Variants in PPARGC1A observed in about 807,000 individuals in gnomAD.
PPARGC1A encodes the protein PPARG coactivator 1 alpha.
A neutral mutation model predicts 88.7 loss-of-function variants in PPARGC1A; 25 were observed. The ratio of observed to expected loss-of-function variants is 0.28; its 90% CI spans 0.21 to 0.39. PPARGC1A has a LOEUF of 0.39. Among genes scored for constraint, PPARGC1A ranks in the 10% least tolerant of loss-of-function variants. PPARGC1A has a pLI of 1.00. For synonymous variants in PPARGC1A, 363 were observed against 355.6 expected (o/e 1.02, Z -0.24); for missense variants, 880 against 968.7 (o/e 0.91, Z 1.22).
At chr4:24,208,864 AGT>A in the PPARGC1A span, among the ~76,000 whole-genome samples, 1 of 152,164 alleles carries the variant, frequency 6.6e-6, no homozygotes, top group South Asian at 2.1e-4. Flanking sequence ...CTATAATGAG[AGT>A]GTTTTCTTCT....
the PPARGC1A span, among the ~76,000 whole-genome samples, chr4:23,932,216 GAAGAGTCTAA>G: frequency 2.8e-3 from 428 of 152,266 alleles, 1 homozygote; most frequent in African/African-American, 9.8e-3. Flanking sequence ...ATAAAGATTG[GAAGAGTCTAA>G]AAGGACCCAA....
the PPARGC1A span, among the ~76,000 whole-genome samples, chr4:23,940,048 A>G: frequency 6.6e-6 from 1 of 152,222 alleles, no homozygotes; most frequent in Non-Finnish European, 1.5e-5. Context: ...CCTTCCCTAG[A>G]GCTCTAACTT....
chr4:23,917,071 A>T, the PPARGC1A span, among the ~76,000 whole-genome samples: 1 of 152,140 alleles, frequency 6.6e-6, no homozygotes, highest in Non-Finnish European at 1.5e-5. Flanking sequence ...CTGCCTGTAG[A>T]TTGACATCAC....
the PPARGC1A span, among the ~76,000 whole-genome samples, chr4:24,018,749 CCTTA>C: frequency 7.2e-6 from 1 of 138,556 alleles, no homozygotes; most frequent in East Asian, 2.2e-4. Flanking sequence ...TCTGATAAAG[CCTTA>C]CTGACACTTT....
intron 2 of PPARGC1A, among the ~76,000 whole-genome samples, chr4:23,858,831 G>C (rs1009158819): frequency 2.6e-5 from 4 of 151,702 alleles, no homozygotes; most frequent in African/African-American, 9.7e-5. Flanking sequence ...TTTTTAGAAA[G>C]ACAGGAAAAA....
chr4:23,999,452 T>C, the PPARGC1A span, among the ~76,000 whole-genome samples: 2 of 152,242 alleles, frequency 1.3e-5, no homozygotes, highest in Non-Finnish European at 2.9e-5. Flanking sequence ...AGCATTAGAC[T>C]CTACCTTAAC....
In PPARGC1A at chr4:23,801,725, C is replaced by T; in HGVS notation, c.2293+5G>A. 1 of 1,613,858 alleles carries T rather than the reference C, an allele frequency of 6.2e-7. No individual in the cohort carries two copies. Among genetic ancestry groups the T allele is most frequent in the Non-Finnish European group, 8.5e-7 (1 of 1,179,876 alleles). ...TCCTCATTCCACGTACAATAAAATC[C>T]ATACCTAGGTCTGCATAGTTAGACT... is the stretch of plus-strand genomic sequence containing the variant. On this transcript the variant is annotated splice_donor_5th_base_variant and intron_variant, in intron 12 of 12. Coordinates refer to ENST00000264867, the MANE Select transcript of PPARGC1A (RefSeq NM_013261.5).
the PPARGC1A span, among the ~76,000 whole-genome samples, chr4:24,387,754 GAGAGAGAGAGAGAGAAAGAA>G: frequency 6.7e-4 from 43 of 64,276 alleles, no homozygotes; most frequent in African/African-American, 2.6e-3. Context: ...GAAAGAGAGA[GAGAGAGAGAGAGAGAAAGAA>G]AGAAAGAAAG....
At chr4:24,265,837 G>C in the PPARGC1A span, among the ~76,000 whole-genome samples, 1 of 151,758 alleles carries the variant, frequency 6.6e-6, no homozygotes, top group South Asian at 2.1e-4. Context: ...CATTCTAGGA[G>C]GCAAAAGAAT....
chr4:24,343,376 G>A, the PPARGC1A span, among the ~76,000 whole-genome samples: 9 of 152,108 alleles, frequency 5.9e-5, no homozygotes, highest in Admixed American at 2.0e-4. Context: ...CCTTATAAAC[G>A]GCTTGAGTAG....
At chr4:24,305,899 A>C in the PPARGC1A span, among the ~76,000 whole-genome samples, 3 of 152,186 alleles carry the variant, frequency 2.0e-5, no homozygotes, top group Non-Finnish European at 2.9e-5. Flanking sequence ...TCCCACAGGT[A>C]CATACAATTG....
At chr4:23,815,892 T>A (rs758152950) in intron 7 of PPARGC1A, among the ~76,000 whole-genome samples, 17 of 152,030 alleles carry the variant, frequency 1.1e-4, no homozygotes, top group Non-Finnish European at 2.4e-4. Flanking sequence ...GCTACCTTGC[T>A]GGAAAAAAAA....
the PPARGC1A span, among the ~76,000 whole-genome samples, chr4:23,983,010 G>GTT: frequency 2.6e-5 from 4 of 152,030 alleles, no homozygotes; most frequent in Non-Finnish European, 5.9e-5. Context: ...ACACTACAAT[G>GTT]GCAGCGCTGG....
At chr4:24,200,453 G>GCCCA in the PPARGC1A span, among the ~76,000 whole-genome samples, 1 of 151,920 alleles carries the variant, frequency 6.6e-6, no homozygotes, top group African/African-American at 2.4e-5. Context: ...AGAGGTTGCA[G>GCCCA]TGAGCTGAGA....
the PPARGC1A span, among the ~76,000 whole-genome samples, chr4:23,910,850 T>C: frequency 3.9e-5 from 6 of 152,106 alleles, no homozygotes; most frequent in East Asian, 1.2e-3. Flanking sequence ...AGGCAGAGAA[T>C]TAAGTAACTT....
chr4:23,841,104 A>C (rs1217499973), intron 2 of PPARGC1A, among the ~76,000 whole-genome samples: 1 of 152,136 alleles, frequency 6.6e-6, no homozygotes, highest in African/African-American at 2.4e-5. Context: ...AATTTACCCA[A>C]ATCTGTTGTC....
the PPARGC1A span, among the ~76,000 whole-genome samples, chr4:24,437,162 C>G: frequency 8.2e-4 from 125 of 152,334 alleles, no homozygotes; most frequent in Non-Finnish European, 1.4e-3. Flanking sequence ...GGGATACGAT[C>G]TTTGAAGGAA....
the PPARGC1A span, among the ~76,000 whole-genome samples, chr4:24,097,858 C>T: frequency 6.6e-6 from 1 of 152,042 alleles, no homozygotes; most frequent in Non-Finnish European, 1.5e-5. Context: ...GTTTTATGGC[C>T]AATTGAACAC....
At chr4:23,866,298 T>G (rs907083332) in intron 2 of PPARGC1A, 9 of 152,178 alleles carry the variant, frequency 5.9e-5, no homozygotes, top group African/African-American at 2.2e-4. Context: ...TCATAGACAT[T>G]AATAATGATA....
Sources: gnomAD v4.1 joint callset for allele counts (sites outside exome capture counted in the v4.1 genomes callset) on GRCh38, gnomAD v4.1.1 for gene constraint, MANE v1.5 for transcripts, NCBI Gene and HGNC (gene_info 2026-07-23, HGNC 2026-07-21) for gene names.